The following FAM118B variants were observed in gnomAD, a reference collection of about 807,000 sequenced individuals.
FAM118B encodes protein FAM118B.
A neutral mutation model predicts 38.5 loss-of-function variants in FAM118B; 24 were observed. The ratio of observed to expected loss-of-function variants is 0.62; its 90% confidence interval spans 0.45 to 0.88. The LOEUF (loss-of-function observed/expected upper bound fraction) is 0.88, where lower values mean the gene tolerates loss of function less well. Ranked by LOEUF, FAM118B falls within the 40% of genes least tolerant of loss-of-function variation. The probability of loss-of-function intolerance (pLI) is 0.00; values close to 1 mark genes in which losing one functional copy is unlikely to be tolerated. For missense variants in FAM118B, 334 were observed against 420.0 expected, an observed-to-expected ratio of 0.80 and a Z score of 1.79; for synonymous variants, 138 against 156.3, an observed-to-expected ratio of 0.88 and a Z score of 0.87.
intron 1 of FAM118B, among the ~76,000 whole-genome samples, chr11:126,222,130 A>T (rs535379494): frequency 2.0e-3 from 309 of 152,324 alleles, no homozygotes; most frequent in Non-Finnish European, 3.6e-3. Flanking sequence ...TGTGACCTTT[A>T]ACAAGCTGCT....
chr11:126,223,889 A>G (rs1950102595), intron 1 of FAM118B, among the ~76,000 whole-genome samples: 1 of 152,232 alleles, frequency 6.6e-6, no homozygotes, highest in South Asian at 2.1e-4. Flanking sequence ...GACTACATTC[A>G]CTGTTAGGAC....
intron 8 of FAM118B, 44 bp from the exon 9 acceptor site, chr11:126,262,076 G>C: frequency 6.2e-7 from 1 of 1,611,984 alleles, no homozygotes; most frequent in Non-Finnish European, 8.5e-7. Context: ...GTATAAACCT[G>C]TTTTGTGAAA....
chr11:126,234,778 C>A (rs80332496), intron 2 of FAM118B, among the ~76,000 whole-genome samples: 1 of 152,122 alleles, frequency 6.6e-6, no homozygotes, highest in Non-Finnish European at 1.5e-5. Context: ...GTATGGAGCA[C>A]CAAAGTCCTA....
intron 1 of FAM118B, among the ~76,000 whole-genome samples, chr11:126,212,936 ATGGGGAAGGAAAGGGTTTGATAG>A (rs890233672): frequency 1.1e-4 from 16 of 152,262 alleles, no homozygotes; most frequent in Admixed American, 4.6e-4. Context: ...TGCAGGACAG[ATGGGGAAGGAAAGGGTTTGATAG>A]TGGGGAAGGA....
Position 126,256,638 on chromosome 11 carries a change from C to G in FAM118B, c.768C>G (p.Thr256=). Residue 256 remains threonine (T), a synonymous_variant, in exon 7 of 9, where the codon ACC becomes ACG. Coordinates refer to ENST00000533050, the MANE Select transcript of FAM118B (RefSeq NM_024556.4). The surrounding 1 kb of genome is among the most constrained non-coding windows in gnomAD (Gnocchi z 6.6). Reference sequence around the variant, plus strand: ...GCTGTGGCTGGACTGTGGATGACACCACTTTCCAGGCCCTTTTCTTGGAGG... The same window carrying G: ...GCTGTGGCTGGACTGTGGATGACACGACTTTCCAGGCCCTTTTCTTGGAGG... The part of the protein sequence containing the change: ...FLGCGWTVDD[T]TFQALFLEAV... The G allele has an allele frequency of 6.2e-7, 1 of 1,614,156 alleles. No homozygotes were observed. The highest frequency in any genetic ancestry group is 8.5e-7 in the Non-Finnish European group (1 of 1,180,024).
rs527269331 is a variant in FAM118B, at chr11:126,240,606, A to G, written c.87-186A>G. 3.3e-5 allele frequency among the ~76,000 whole-genome samples: 5 copies of G among 152,290 alleles called. No individual in the cohort carries two copies. In the South Asian group the frequency reaches 1.0e-3, roughly 32 times the overall value. ...GAAATAGGTTTATGACTTGTTTTTC[A>G]GCAAGCACTGACACAATATTCTGGT... On this transcript the variant is annotated intron_variant, in intron 3 of 8. Transcript: ENST00000533050.
Position 126,250,360 on chromosome 11 carries a change from G to T in FAM118B, c.340-146G>T, listed in dbSNP as rs564386781. ...CCCGCCTCGGTCTCCCAAAGTGCTG[G>T]GATTACAGGCGTGAGCCACTGCGCC... On this transcript the variant is annotated intron_variant, in intron 4 of 8. Transcript: ENST00000533050. The surrounding 1 kb of genome is among the most constrained non-coding windows in gnomAD (Gnocchi z 5.1). 54 of 593,484 alleles carry T rather than the reference G, an allele frequency of 9.1e-5. No homozygotes were observed. The highest frequency in any genetic ancestry group is 1.5e-4 in the Admixed American group (5 of 33,386). 36.8% of individuals were successfully genotyped at this position (593,484 alleles called of 1,614,324 possible). A position where few individuals can be genotyped will look rare whatever the true frequency, so the allele number is the denominator to read the frequency against.
rs781047348 is a variant in FAM118B, at chr11:126,252,319, G to A, written c.567+1586G>A. 1.3e-5 allele frequency among the ~76,000 whole-genome samples: 2 copies of A among 152,148 alleles called. No individual in the cohort carries two copies. The highest frequency in any genetic ancestry group is 2.9e-5 in the Non-Finnish European group (2 of 68,016). ...TATCTTGGCTGTTTATCTGTTTTCT[G>A]ACTGTTTACCCCATAGGAATAGTAA... On this transcript the variant is annotated intron_variant, in intron 5 of 8. Transcript: ENST00000533050. The surrounding 1 kb of genome is among the most constrained non-coding windows in gnomAD (Gnocchi z 4.7).
chr11:126,224,475 CAAAAAAAAAAAA>C (rs58005174), intron 1 of FAM118B, among the ~76,000 whole-genome samples: 7 of 93,208 alleles, frequency 7.5e-5, no homozygotes, highest in African/African-American at 1.5e-4. Flanking sequence ...GACCCTGTCT[CAAAAAAAAAAAA>C]AAAAAAAAAA....
At chr11:126,258,931 G>A (rs1481698665) in intron 7 of FAM118B, among the ~76,000 whole-genome samples, 4 of 152,190 alleles carry the variant, frequency 2.6e-5, no homozygotes, top group Non-Finnish European at 5.9e-5. Flanking sequence ...AACCTTAACT[G>A]CTATTGTGGA....
intron 2 of FAM118B, among the ~76,000 whole-genome samples, chr11:126,229,843 C>G: frequency 6.6e-6 from 1 of 152,164 alleles, no homozygotes; most frequent in Non-Finnish European, 1.5e-5. Flanking sequence ...TCCTTAATGT[C>G]TTTCAGAAAC....
chr11:126,262,836 C>T lies in FAM118B; in HGVS notation c.*703C>T, dbSNP rs1950729744. Reference sequence around the variant, plus strand: ...CCTCGGAGCATTATCAACTTCTGCTCTGTTGTCCTGACCATACATATGTCC... The same window carrying T: ...CCTCGGAGCATTATCAACTTCTGCTTTGTTGTCCTGACCATACATATGTCC... On this transcript the variant is annotated 3_prime_UTR_variant, in exon 9 of 9. Coordinates refer to ENST00000533050, the MANE Select transcript of FAM118B (RefSeq NM_024556.4). 3 of 152,760 alleles carry T rather than the reference C, an allele frequency of 2.0e-5. No homozygotes were observed. The highest frequency in any genetic ancestry group is 4.4e-5 in the Non-Finnish European group (3 of 68,044). 9.5% of individuals were successfully genotyped at this position (152,760 alleles called of 1,614,324 possible). A position where few individuals can be genotyped will look rare whatever the true frequency, so the allele number is the denominator to read the frequency against.
At chr11:126,249,560 G>A (rs181960879) in intron 4 of FAM118B, among the ~76,000 whole-genome samples, 55 of 151,758 alleles carry the variant, frequency 3.6e-4, no homozygotes, top group East Asian at 1.2e-3. Context: ...GTGAAACCCC[G>A]TCTCTACTAA....
chr11:126,233,011 A>T (rs1430946864), intron 2 of FAM118B, among the ~76,000 whole-genome samples: 1 of 152,188 alleles, frequency 6.6e-6, no homozygotes, highest in Non-Finnish European at 1.5e-5. Context: ...TGCATCCTAT[A>T]TTTAACAAAA....
At chr11:126,233,704 C>T (rs1204478044) in intron 2 of FAM118B, 1 of 456,316 alleles carries the variant, frequency 2.2e-6, no homozygotes, top group Admixed American at 2.4e-5. Context: ...AATTACACTG[C>T]GTGTGATGGA....
intron 1 of FAM118B, among the ~76,000 whole-genome samples, chr11:126,226,964 A>T (rs1013529636): frequency 1.3e-5 from 2 of 151,750 alleles, no homozygotes; most frequent in Non-Finnish European, 2.9e-5. Context: ...AAAAAAAAAA[A>T]ACACCTAGCT....
intron 1 of FAM118B, among the ~76,000 whole-genome samples, chr11:126,221,754 A>G (rs1313632169): frequency 6.6e-6 from 1 of 152,142 alleles, no homozygotes; most frequent in Non-Finnish European, 1.5e-5. Flanking sequence ...GGAAACAGGG[A>G]AGACCTCCCA....
intron 7 of FAM118B, 92 bp from the exon 8 acceptor site, chr11:126,261,333 A>C: frequency 1.0e-6 from 1 of 984,352 alleles, no homozygotes; most frequent in Non-Finnish European, 1.6e-6. Flanking sequence ...TTTCAGTCGT[A>C]CCATATGTCC....
intron 7 of FAM118B, among the ~76,000 whole-genome samples, chr11:126,260,142 C>A (rs886501233): frequency 4.7e-4 from 72 of 152,248 alleles, no homozygotes; most frequent in African/African-American, 1.7e-3. Context: ...AGGCGATCCT[C>A]CCACCTCAGC....
Sources: allele counts gnomAD v4.1 joint callset (sites outside exome capture counted in the v4.1 genomes callset), GRCh38; gene constraint gnomAD v4.1.1; non-coding constraint Gnocchi (gnomAD v3.1); transcripts MANE v1.5; gene names NCBI Gene and HGNC (gene_info 2026-07-23, HGNC 2026-07-21).